IFI16: variants seen among roughly 807,000 people sequenced by gnomAD.
IFI16 encodes gamma-interferon-inducible protein 16.
Under a neutral mutation model 68.4 loss-of-function variants are expected in IFI16, and 49 were observed. The observed-to-expected ratio is 0.72, with a 90% confidence interval of 0.57 to 0.91. The LOEUF (loss-of-function observed/expected upper bound fraction) is 0.91, where lower values mean the gene tolerates loss of function less well. Among genes scored for constraint, IFI16 ranks in the 40% least tolerant of loss-of-function variants. The probability of loss-of-function intolerance (pLI) is 0.00; values close to 1 mark genes in which losing one functional copy is unlikely to be tolerated. For missense variants in IFI16, 878 were observed against 942.9 expected (o/e 0.93, Z 0.90); for synonymous variants, 307 against 315.0 (o/e 0.97, Z 0.27).
At chr1:159,042,849 A>G (rs1210441081) in intron 7 of IFI16, among the ~76,000 whole-genome samples, 1 of 152,144 alleles carries the variant, frequency 6.6e-6, no homozygotes, top group Non-Finnish European at 1.5e-5. Context: ...TTCTGCCCTG[A>G]TATCACCCCC....
chr1:159,037,767 C>T (rs1053421630), intron 7 of IFI16, among the ~76,000 whole-genome samples: 1 of 151,996 alleles, frequency 6.6e-6, no homozygotes, highest in African/African-American at 2.4e-5. Context: ...AATAAAGAGG[C>T]TTTTTTGATA....
intron 4 of IFI16, among the ~76,000 whole-genome samples, chr1:159,017,947 T>A (rs546216741): frequency 2.6e-5 from 4 of 152,242 alleles, no homozygotes; most frequent in Non-Finnish European, 5.9e-5. Flanking sequence ...TGGCTTTCAG[T>A]ATCCACTGGT....
At position 159,049,416 on chromosome 1, in the gene IFI16, A is replaced by T; in HGVS notation, c.1498-16A>T. 1 of 1,189,484 alleles carries T rather than the reference A, an allele frequency of 8.4e-7. No homozygotes were observed. The allele number at this position is 1,189,484 out of a possible 1,614,324, so 73.7% of individuals were successfully genotyped here. On this transcript the variant is annotated splice_polypyrimidine_tract_variant and intron_variant, in intron 8 of 11. Coordinates refer to ENST00000295809, the MANE Select transcript of IFI16 (RefSeq NM_001376587.1). ...CATTAACTAGAAAAAAAGAACAAAC[A>T]TCTATTTTCCTTTAGAAAAGTGAAG...
intron 3 of IFI16, 103 bp from the exon 4 acceptor site, chr1:159,016,430 A>C: frequency 1.8e-6 from 2 of 1,107,438 alleles, no homozygotes; most frequent in Non-Finnish European, 2.5e-6. Context: ...AGTTTCCAAG[A>C]AACATCTTCT....
At chr1:159,052,803 G>C (rs1452475629) in intron 10 of IFI16, 1 of 152,000 alleles carries the variant, frequency 6.6e-6, no homozygotes, top group South Asian at 2.1e-4. Flanking sequence ...CTTACAGTGT[G>C]CCTTTCAGTC....
At chr1:159,054,531 C>A (rs1655561327) in intron 11 of IFI16, among the ~76,000 whole-genome samples, 1 of 152,200 alleles carries the variant, frequency 6.6e-6, no homozygotes, top group South Asian at 2.1e-4. Context: ...TCATTGGGTG[C>A]ACCAGCTCCT....
In IFI16 at chr1:159,027,595, A is replaced by G. The variant is rs143070785; in HGVS notation, c.1162-4929A>G. ...TTCTCTATCTTGTGAAATAATGTCA[A>G]TAAGACTGGTACCAATTATTCTTTG... On this transcript the variant is annotated intron_variant, in intron 6 of 11. Coordinates refer to ENST00000295809, the MANE Select transcript of IFI16 (RefSeq NM_001376587.1). Among the ~76,000 whole-genome samples the G allele has an allele frequency of 1.8e-3, 273 of 152,302 alleles. 2 individuals are homozygous for G. Among genetic ancestry groups the G allele is most frequent in the African/African-American group, 5.6e-3 (233 of 41,564 alleles).
intron 7 of IFI16, among the ~76,000 whole-genome samples, chr1:159,037,819 G>C (rs971386450): frequency 6.6e-6 from 1 of 151,762 alleles, no homozygotes; most frequent in Non-Finnish European, 1.5e-5. Context: ...CTACAACTGG[G>C]TCAACATAAA....
At position 159,053,689 on chromosome 1, in the gene IFI16, G is replaced by A. The variant is rs756630677; in HGVS notation, c.2242G>A (p.Gly748Arg). 27 of 1,613,598 alleles carry A rather than the reference G, an allele frequency of 1.7e-5. No individual in the cohort carries two copies. Among genetic ancestry groups the A allele is most frequent in the African/African-American group, 1.5e-4 (11 of 74,882 alleles). The change falls in exon 11 of 12, where the codon GGG (glycine) becomes AGG (arginine). Residue 748 changes from glycine (G) to arginine (R), a missense_variant. Coordinates refer to ENST00000295809, the MANE Select transcript of IFI16 (RefSeq NM_001376587.1). ...FELAPKSGNT[G>R]ELRSVIHSHI... ...ATTGGCACCGAAAAGTGGGAATACC[G>A]GGGAGTTGAGATCTGTAATTCATAG...
At chr1:159,043,586 C>A (rs560459723) in intron 7 of IFI16, among the ~76,000 whole-genome samples, 1 of 152,306 alleles carries the variant, frequency 6.6e-6, no homozygotes, top group Admixed American at 6.5e-5. Context: ...TGCTCTTATA[C>A]ATCACAGCTT....
chr1:159,024,458 CT>C (rs1310670335), intron 6 of IFI16, among the ~76,000 whole-genome samples: 5 of 152,148 alleles, frequency 3.3e-5, no homozygotes, highest in African/African-American at 1.2e-4. Flanking sequence ...AGGGGTAGCC[CT>C]TTTGGTGAAA....
chr1:159,028,858 A>C (rs1250605954), intron 6 of IFI16, among the ~76,000 whole-genome samples: 2 of 143,146 alleles, frequency 1.4e-5, no homozygotes, highest in East Asian at 4.2e-4. Flanking sequence ...TTTATATGAA[A>C]CCTTATGTTT....
chr1:159,020,846 C>CGTGTGT (rs56977166), intron 6 of IFI16, among the ~76,000 whole-genome samples: 72 of 148,924 alleles, frequency 4.8e-4, no homozygotes, highest in East Asian at 1.4e-3. Flanking sequence ...TAGAAAACGT[C>CGTGTGT]GTGTGTGTGT....
At position 159,032,197 on chromosome 1, in the gene IFI16, G is replaced by T. The variant is rs190545054; in HGVS notation, c.1162-327G>T. Reference sequence around the variant, plus strand: ...AGTTCTGTATAAATTGGTATATGTAGAAAGGTATAGGAAAATGATGCAAGA... The same window carrying T: ...AGTTCTGTATAAATTGGTATATGTATAAAGGTATAGGAAAATGATGCAAGA... On this transcript the variant is annotated intron_variant, in intron 6 of 11. Transcript: ENST00000295809. Among the ~76,000 whole-genome samples, 18 of 152,294 alleles carry T rather than the reference G, an allele frequency of 1.2e-4. No individual in the cohort carries two copies. In the East Asian group the frequency reaches 3.5e-3, roughly 29 times the overall value.
rs769517369 is a variant in IFI16, at chr1:159,020,400, T to G, written c.1032T>G (p.Asp344Glu). ...TTCAGGATGATAGAGGAAAAATGGA[T>G]GTAGTGGGGACAGGACAATGTCACA... is the stretch of plus-strand genomic sequence containing the variant. ...YEIQDDRGKMDVVGTGQCHNI... is the reference protein window; with the variant it reads ...YEIQDDRGKMEVVGTGQCHNI... Residue 344 changes from aspartate to glutamate, a missense_variant, in exon 6 of 12, where the codon GAT becomes GAG. Asp to Glu is a conservative substitution (Grantham distance 45, BLOSUM62 2). Coordinates refer to ENST00000295809, the MANE Select transcript of IFI16 (RefSeq NM_001376587.1). The G allele has an allele frequency of 6.2e-7, 1 of 1,612,912 alleles. No homozygotes were observed. The highest frequency in any genetic ancestry group is 8.5e-7 in the Non-Finnish European group (1 of 1,179,190).
At position 159,045,472 on chromosome 1, in the gene IFI16, T is replaced by A; in HGVS notation, c.1497+8T>A. On this transcript the variant is annotated splice_region_variant and intron_variant, in intron 8 of 11. Coordinates refer to ENST00000295809, the MANE Select transcript of IFI16 (RefSeq NM_001376587.1). ...AGCAGTTTCTTAACCACGGTACAAG[T>A]TCCCTCTTCCCAATACATTCCCCTC... The A allele has an allele frequency of 6.2e-7, 1 of 1,604,236 alleles. No individual in the cohort carries two copies. Among genetic ancestry groups the A allele is most frequent in the South Asian group, 1.1e-5 (1 of 90,388 alleles).
chr1:159,042,481 G>T (rs149850304), intron 7 of IFI16, among the ~76,000 whole-genome samples: 1 of 151,950 alleles, frequency 6.6e-6, no homozygotes, highest in South Asian at 2.1e-4. Context: ...TTCAGTTTCC[G>T]TATCCATGCT....
Position 159,033,995 on chromosome 1 carries a change from C to T in IFI16, c.1329+1304C>T, listed in dbSNP as rs1450742773. On this transcript the variant is annotated intron_variant, in intron 7 of 11. Coordinates refer to ENST00000295809, the MANE Select transcript of IFI16 (RefSeq NM_001376587.1). ...AATAGTCAAAATAAAGGAAGTTATA[C>T]TTCCTTGCCCTTGGTAAAGAGTATT... 2.2e-4 allele frequency among the ~76,000 whole-genome samples: 33 copies of T among 152,172 alleles called. 1 individual carries two copies. Among genetic ancestry groups the T allele is most frequent in the Admixed American group, 2.2e-3 (33 of 15,282 alleles).
In IFI16 at chr1:159,018,381, T is replaced by C. The variant is rs148467779; in HGVS notation, c.702T>C (p.Ala234=). The C allele has an allele frequency of 4.0e-5, 65 of 1,614,076 alleles. No homozygotes were observed. In the Middle Eastern group the frequency reaches 9.9e-4, roughly 24 times the overall value. The change falls in exon 5 of 12, where the codon GCT becomes GCC. Residue 234 remains alanine, a synonymous_variant. Coordinates refer to ENST00000295809, the MANE Select transcript of IFI16 (RefSeq NM_001376587.1). ...EKKIMFHATV[A]TQTQFFHVKV... is the part of the protein sequence containing the mutation. Reference sequence around the variant, plus strand: ...AAATAATGTTTCATGCTACAGTGGCTACACAGACACAGTTCTTCCATGTGA... The same window carrying C: ...AAATAATGTTTCATGCTACAGTGGCCACACAGACACAGTTCTTCCATGTGA...
Sources: allele counts gnomAD v4.1 joint callset (sites outside exome capture counted in the v4.1 genomes callset), GRCh38; gene constraint gnomAD v4.1.1; transcripts MANE v1.5; gene names NCBI Gene and HGNC (gene_info 2026-07-23, HGNC 2026-07-21).